KAZN: variants seen among roughly 807,000 people sequenced by gnomAD.
KAZN encodes the protein kazrin, periplakin interacting protein.
In KAZN, 40 loss-of-function variants were observed where a neutral mutation model predicts 87.4. The observed-to-expected ratio is 0.46, with a 90% CI of 0.36 to 0.60. The LOEUF is 0.60. KAZN is among the 20% of genes least tolerant of loss of function. The probability of loss-of-function intolerance (pLI) is 0.00; values close to 1 mark genes in which losing one functional copy is unlikely to be tolerated. For synonymous variants in KAZN, 466 were observed against 458.3 expected, an observed-to-expected ratio of 1.02 and a Z score of -0.22; for missense variants, 898 against 1,073.9, an observed-to-expected ratio of 0.84 and a Z score of 2.29.
intron 2 of KAZN, among the ~76,000 whole-genome samples, chr1:14,327,324 C>G (rs1367927826): frequency 6.6e-6 from 1 of 152,154 alleles, no homozygotes; most frequent in African/African-American, 2.4e-5. Context: ...TGACCACACA[C>G]CTCCTGAGCC....
chr1:15,099,527 G>A lies in KAZN; in HGVS notation c.1548-2016G>A, dbSNP rs1015933857. On this transcript the variant is annotated intron_variant, in intron 10 of 14. Transcript: ENST00000376030. This position sits in a 1 kb window ranked among gnomAD's most constrained non-coding sequence, Gnocchi z 5.4. ...GGTGAGCCCTGGGCAGGGTTGCAAGGGGCTGGCCGGGGAGGGGAATGGGGG... is the reference window on the plus strand; with the variant it reads ...GGTGAGCCCTGGGCAGGGTTGCAAGAGGCTGGCCGGGGAGGGGAATGGGGG... Among the ~76,000 whole-genome samples, 2 of 152,112 alleles carry A rather than the reference G, an allele frequency of 1.3e-5. No homozygotes were observed. Among genetic ancestry groups the A allele is most frequent in the Non-Finnish European group, 2.9e-5 (2 of 68,014 alleles).
chr1:14,825,332 A>C (rs1646852443), intron 1 of KAZN, among the ~76,000 whole-genome samples: 1 of 152,252 alleles, frequency 6.6e-6, no homozygotes, highest in Non-Finnish European at 1.5e-5. Flanking sequence ...TCTGTCCTAG[A>C]AAATGCCATC....
At chr1:14,562,433 C>A (rs1674314110) in intron 2 of KAZN, among the ~76,000 whole-genome samples, 1 of 152,180 alleles carries the variant, frequency 6.6e-6, no homozygotes, top group Admixed American at 6.5e-5. Flanking sequence ...TAGCAAACTT[C>A]AAGATTGGCT....
At chr1:14,672,523 G>A (rs1639975729) in intron 1 of KAZN, among the ~76,000 whole-genome samples, 2 of 152,118 alleles carry the variant, frequency 1.3e-5, no homozygotes, top group Admixed American at 6.6e-5. Flanking sequence ...TTTAGATCCC[G>A]CCCAAAGAAT....
chr1:15,102,856 G>A (rs1641127517), intron 11 of KAZN, among the ~76,000 whole-genome samples: 1 of 152,234 alleles, frequency 6.6e-6, no homozygotes, highest in Non-Finnish European at 1.5e-5. Context: ...CAGCAGCAGT[G>A]CCTTCCCCAT....
chr1:14,608,116 G>T (rs945990115), intron 1 of KAZN, among the ~76,000 whole-genome samples: 1 of 152,250 alleles, frequency 6.6e-6, no homozygotes, highest in Admixed American at 6.5e-5. Flanking sequence ...CCTGAAATCT[G>T]CTCGCTTCGT....
intron 2 of KAZN, among the ~76,000 whole-genome samples, chr1:14,546,966 A>C (rs941810331): frequency 2.0e-5 from 3 of 152,214 alleles, no homozygotes; most frequent in Non-Finnish European, 4.4e-5. Context: ...CTGGGAAAAC[A>C]AGGCTGAGAG....
chr1:14,606,976 G>A (rs1305750786), intron 1 of KAZN, among the ~76,000 whole-genome samples: 1 of 152,186 alleles, frequency 6.6e-6, no homozygotes, highest in East Asian at 1.9e-4. Context: ...GTCTTGGAAT[G>A]ACAGCTCTGT....
intron 2 of KAZN, among the ~76,000 whole-genome samples, chr1:14,969,975 A>G (rs1202088373): frequency 2.6e-5 from 4 of 151,878 alleles, no homozygotes; most frequent in African/African-American, 9.7e-5. Context: ...CACCACGCCC[A>G]GCTGATTTTT....
At chr1:14,008,364 T>C (rs1049844536) in intron 1 of KAZN, among the ~76,000 whole-genome samples, 1 of 152,176 alleles carries the variant, frequency 6.6e-6, no homozygotes, top group African/African-American at 2.4e-5. Context: ...AAAAGGAGAC[T>C]AGGGTGGCAA....
At chr1:15,064,800 G>A (rs911680141) in intron 7 of KAZN, among the ~76,000 whole-genome samples, 2 of 152,216 alleles carry the variant, frequency 1.3e-5, no homozygotes, top group African/African-American at 4.8e-5. Context: ...CCCTGGCACG[G>A]CAGACAGGGC....
chr1:14,176,619 A>G (rs932106245), intron 1 of KAZN, among the ~76,000 whole-genome samples: 3 of 152,168 alleles, frequency 2.0e-5, no homozygotes, highest in Non-Finnish European at 2.9e-5. Context: ...CTAGCCCAGG[A>G]AAGGATTGTG....
chr1:14,762,965 C>G (rs970052178), intron 1 of KAZN, among the ~76,000 whole-genome samples: 1 of 152,162 alleles, frequency 6.6e-6, no homozygotes, highest in African/African-American at 2.4e-5. Context: ...AAACACTCAT[C>G]CGGTGACATT....
Position 14,713,610 on chromosome 1 carries a change from C to T in KAZN, c.226+114387C>T, listed in dbSNP as rs576653995. ...ACACTCTTCAGTACAGAGGACGGCC[C>T]TCACAGCAAAGACTTACCTGGCCCC... On this transcript the variant is annotated intron_variant, in intron 1 of 14. Coordinates refer to ENST00000376030, the MANE Select transcript of KAZN (RefSeq NM_201628.3). 2.6e-5 allele frequency among the ~76,000 whole-genome samples: 4 copies of T among 151,982 alleles called. No homozygotes were observed. The East Asian group carries it at 7.8e-4, about 30-fold the overall frequency.
At chr1:14,823,903 CAG>C (rs1646807869) in intron 1 of KAZN, among the ~76,000 whole-genome samples, 1 of 152,106 alleles carries the variant, frequency 6.6e-6, no homozygotes, top group African/African-American at 2.4e-5. Context: ...CACCTGAGGT[CAG>C]GAGTTCAAGA....
chr1:14,881,336 G>A (rs1204750217), intron 1 of KAZN, among the ~76,000 whole-genome samples: 1 of 152,220 alleles, frequency 6.6e-6, no homozygotes, highest in Non-Finnish European at 1.5e-5. Flanking sequence ...GCAGAAACAG[G>A]CAGTAACAAA....
At chr1:15,059,073 C>T (rs370961847) in intron 5 of KAZN, among the ~76,000 whole-genome samples, 1 of 149,222 alleles carries the variant, frequency 6.7e-6, no homozygotes. Flanking sequence ...GTAATTAGCA[C>T]AAGGAGAGAA....
At chr1:14,485,608 G>T (rs886907415) in intron 2 of KAZN, among the ~76,000 whole-genome samples, 4 of 152,230 alleles carry the variant, frequency 2.6e-5, no homozygotes, top group Middle Eastern at 3.4e-3. Context: ...ATTAAAAGTG[G>T]ATCTGGACCT....
intron 1 of KAZN, among the ~76,000 whole-genome samples, chr1:14,829,545 G>A (rs1269428635): frequency 2.0e-5 from 3 of 151,908 alleles, no homozygotes; most frequent in Non-Finnish European, 4.4e-5. Context: ...ACTCCAGCCT[G>A]GGTGACAGAG....
Sources: allele counts gnomAD v4.1 joint callset (sites outside exome capture counted in the v4.1 genomes callset), GRCh38; gene constraint gnomAD v4.1.1; non-coding constraint Gnocchi (gnomAD v3.1); transcripts MANE v1.5; gene names NCBI Gene and HGNC (gene_info 2026-07-23, HGNC 2026-07-21).